SPATC1: variants seen among roughly 807,000 people sequenced by gnomAD.
The protein encoded by SPATC1 is speriolin.
In SPATC1, 35 loss-of-function variants were observed where a neutral mutation model predicts 36.5. That is an observed-to-expected ratio of 0.96 (90% CI 0.73 to 1.27). The LOEUF is 1.27. Ranked by LOEUF, SPATC1 falls within the 50% of genes most tolerant of loss-of-function variation. SPATC1 has a pLI of 0.00. For missense variants in SPATC1, 779 were observed against 796.0 expected (o/e 0.98, Z 0.26); for synonymous variants, 361 against 353.6 (o/e 1.02, Z -0.24).
chr8:144,021,294 T>TAAGGACCCTCTCTCCA (rs1834527498), intron 1 of SPATC1, among the ~76,000 whole-genome samples: 2 of 18,894 alleles, frequency 1.1e-4, no homozygotes, highest in Non-Finnish European at 2.2e-4. Context: ...CCCTCTCCCC[T>TAAGGACCCTCTCTCCA]CAGGACCCTC....
upstream of SPATC1, among the ~76,000 whole-genome samples, chr8:144,011,173 A>G (rs1587479223): frequency 6.6e-6 from 1 of 152,266 alleles, no homozygotes; most frequent in East Asian, 1.9e-4. This position sits in a 1 kb window ranked among gnomAD's most constrained non-coding sequence, Gnocchi z 4.5. Context: ...GACTGCATCA[A>G]CCCAAGAGGC....
At chr8:144,038,407 T>C (rs1319481296) in intron 1 of SPATC1, among the ~76,000 whole-genome samples, 3 of 140,336 alleles carry the variant, frequency 2.1e-5, no homozygotes, top group Non-Finnish European at 4.6e-5. Flanking sequence ...CACTCCAGCC[T>C]GGGCAACAGA....
intron 1 of SPATC1, among the ~76,000 whole-genome samples, chr8:144,024,109 T>C (rs1458514384): frequency 6.7e-6 from 1 of 149,976 alleles, no homozygotes; most frequent in Non-Finnish European, 1.5e-5. Context: ...GCCTCTCCCC[T>C]CCGGACCCTC....
Position 144,045,457 on chromosome 8 carries a change from G to A in SPATC1, c.1447-1170G>A, listed in dbSNP as rs782468733. On this transcript the variant is annotated intron_variant, in intron 4 of 4. Transcript: ENST00000377470. This position sits in a 1 kb window ranked among gnomAD's most constrained non-coding sequence, Gnocchi z 5.2. ...CCGAGGGGTGGTGCCTGAACAGCTT[G>A]TGTGGGCAAGGAGTAGGGAAGAGTA... Among the ~76,000 whole-genome samples the A allele has an allele frequency of 6.6e-6, 1 of 152,240 alleles. No individual in the cohort carries two copies.
chr8:144,043,385 G>C (rs887859013), intron 4 of SPATC1, among the ~76,000 whole-genome samples: 1 of 150,016 alleles, frequency 6.7e-6, no homozygotes, highest in Non-Finnish European at 1.5e-5. Context: ...AAGTTCAAGC[G>C]ATTCTCCTGC....
In SPATC1 at chr8:144,012,624, C is replaced by A. The variant is rs1352687332; in HGVS notation, c.109C>A (p.Leu37Ile). The A allele has an allele frequency of 1.3e-6, 2 of 1,551,608 alleles. No individual in the cohort carries two copies. Among genetic ancestry groups the A allele is most frequent in the African/African-American group, 2.7e-5 (2 of 73,040 alleles). ...LVRLIRENHE[L>I]KSAIKTQAGG... is the part of the protein sequence containing the mutation. ...GCGGCTCATTCGGGAGAATCACGAG[C>A]TCAAGTCAGCGATCAAGACTCAGGC... The change falls in exon 1 of 5, where the codon CTC becomes ATC. Residue 37 changes from leucine (L) to isoleucine (I), a missense_variant. Physicochemically the swap from Leu to Ile is conservative, Grantham distance 5. Transcript: ENST00000377470.
At chr8:144,031,892 G>A (rs1028412859) in intron 1 of SPATC1, among the ~76,000 whole-genome samples, 9 of 151,014 alleles carry the variant, frequency 6.0e-5, no homozygotes, top group African/African-American at 1.2e-4. Flanking sequence ...CTAATTTTTC[G>A]TATTTTTGGT....
chr8:144,030,383 A>C (rs1335526948), intron 1 of SPATC1, among the ~76,000 whole-genome samples: 1 of 152,234 alleles, frequency 6.6e-6, no homozygotes, highest in Admixed American at 6.5e-5. Flanking sequence ...GTATTGAGAC[A>C]GGGTCTCACT....
chr8:144,036,544 G>A (rs1464261239), intron 1 of SPATC1, among the ~76,000 whole-genome samples: 1 of 151,938 alleles, frequency 6.6e-6, no homozygotes, highest in South Asian at 2.1e-4. Flanking sequence ...GGCTGGTCTC[G>A]AACTCCTGAA....
Position 144,037,611 on chromosome 8 carries a change from T to G in SPATC1, c.212-2298T>G, listed in dbSNP as rs1046415322. ...GTTAAACAGATGCTTGAAGGCAGCA[T>G]GCTCGTTAAGAGTCATCACCACTCC... On this transcript the variant is annotated intron_variant, in intron 1 of 4. Coordinates refer to ENST00000377470, the MANE Select transcript of SPATC1 (RefSeq NM_198572.3). Among the ~76,000 whole-genome samples, 123 of 152,106 alleles carry G rather than the reference T, an allele frequency of 8.1e-4. 1 individual carries two copies. Among genetic ancestry groups the G allele is most frequent in the Middle Eastern group, 3.4e-3 (1 of 294 alleles).
In SPATC1 at chr8:144,016,921, G is replaced by A. The variant is rs1179659088; in HGVS notation, c.211+4195G>A. On this transcript the variant is annotated intron_variant, in intron 1 of 4. Transcript: ENST00000377470. This position sits in a 1 kb window ranked among gnomAD's most constrained non-coding sequence, Gnocchi z 4.5. ...CCCAAAGTGCTGGGAATACAGGCAT[G>A]AGCCACCACACCCGCCTGACACTGG... Among the ~76,000 whole-genome samples the A allele has an allele frequency of 3.9e-5, 6 of 152,200 alleles. No individual in the cohort carries two copies. The highest frequency in any genetic ancestry group is 8.8e-5 in the Non-Finnish European group (6 of 68,044).
In SPATC1 at chr8:144,023,726, C is replaced by G. The variant is rs1587498086; in HGVS notation, c.211+11000C>G. 2.7e-3 allele frequency among the ~76,000 whole-genome samples: 4 copies of G among 1,508 alleles called. 1 individual carries two copies. Among genetic ancestry groups the G allele is most frequent in the Non-Finnish European group, 3.2e-3 (2 of 632 alleles). 1.0% of individuals were successfully genotyped at this position (1,508 alleles called of 152,430 possible). A position where few individuals can be genotyped will look rare whatever the true frequency, so the allele number is the denominator to read the frequency against. ...CTCTCCCCTCAAGACCCCCTTCCCT[C>G]AGGACCCTCTCCCCTCAAAACTCTC... On this transcript the variant is annotated intron_variant, in intron 1 of 4. Coordinates refer to ENST00000377470, the MANE Select transcript of SPATC1 (RefSeq NM_198572.3).
intron 1 of SPATC1, among the ~76,000 whole-genome samples, chr8:144,017,757 A>G (rs966549284): frequency 6.6e-6 from 1 of 152,096 alleles, no homozygotes; most frequent in Non-Finnish European, 1.5e-5. Context: ...ACTTTTAACT[A>G]CTCTGACACT....
chr8:144,014,364 G>A (rs906110214), intron 1 of SPATC1, among the ~76,000 whole-genome samples: 2 of 148,714 alleles, frequency 1.3e-5, no homozygotes, highest in East Asian at 3.9e-4. Flanking sequence ...AGGAAGGAAG[G>A]AAGGAAAAGA....
chr8:144,022,487 TC>T (rs1834554032), intron 1 of SPATC1, among the ~76,000 whole-genome samples: 1 of 40,084 alleles, frequency 2.5e-5, no homozygotes, highest in Non-Finnish European at 5.5e-5. Context: ...TCCAGGACCT[TC>T]CCCCTCAAGA....
chr8:144,025,325 T>C (rs2133116958), intron 1 of SPATC1, among the ~76,000 whole-genome samples: 1 of 152,324 alleles, frequency 6.6e-6, no homozygotes, highest in South Asian at 2.1e-4. Flanking sequence ...GGGATTCCAG[T>C]CGTGAGGCCA....
chr8:144,017,449 T>A (rs569239815), intron 1 of SPATC1, among the ~76,000 whole-genome samples: 1 of 152,060 alleles, frequency 6.6e-6, no homozygotes, highest in Non-Finnish European at 1.5e-5. Flanking sequence ...CCCAACCCCA[T>A]TGAGGAGGAA....
chr8:144,023,381 G>A (rs1406027420), intron 1 of SPATC1, among the ~76,000 whole-genome samples: 6 of 27,038 alleles, frequency 2.2e-4, no homozygotes, highest in African/African-American at 6.8e-4. Context: ...TTTCCCTAAG[G>A]ACCCTCTTCC....
chr8:144,047,016 G>A lies in SPATC1; in HGVS notation c.*60G>A. On this transcript the variant is annotated 3_prime_UTR_variant, in exon 5 of 5. Coordinates refer to ENST00000377470, the MANE Select transcript of SPATC1 (RefSeq NM_198572.3). This position sits in a 1 kb window ranked among gnomAD's most constrained non-coding sequence, Gnocchi z 4.1. ...CACAGCCCTGTGCACGGCCATTAAA[G>A]CTTCCCACAGACACTGGTCGCTGGG... The A allele has an allele frequency of 6.5e-7, 1 of 1,534,916 alleles. No homozygotes were observed. The highest frequency in any genetic ancestry group is 2.3e-5 in the East Asian group (1 of 43,872).
Sources: allele counts gnomAD v4.1 joint callset (sites outside exome capture counted in the v4.1 genomes callset), GRCh38; gene constraint gnomAD v4.1.1; non-coding constraint Gnocchi (gnomAD v3.1); transcripts MANE v1.5; gene names NCBI Gene and HGNC (gene_info 2026-07-23, HGNC 2026-07-21).